IGF2R: variants seen among roughly 807,000 people sequenced by gnomAD.
IGF2R encodes the protein cation-independent mannose-6-phosphate receptor.
A neutral mutation model predicts 270.6 loss-of-function variants in IGF2R; 91 were observed. The ratio of observed to expected loss-of-function variants is 0.34; its 90% CI spans 0.28 to 0.40. The LOEUF (loss-of-function observed/expected upper bound fraction) is 0.40. Ranked by LOEUF, IGF2R falls within the 10% of genes least tolerant of loss-of-function variation. The probability of loss-of-function intolerance (pLI) is 1.00; values close to 1 mark genes in which losing one functional copy is unlikely to be tolerated. For missense variants in IGF2R, 2,805 were observed against 3,188.3 expected (o/e 0.88, Z 2.90); for synonymous variants, 1,316 against 1,258.9 (o/e 1.05, Z -0.96).
chr6:160,035,035 G>C (rs750047377), intron 10 of IGF2R, among the ~76,000 whole-genome samples: 1 of 152,206 alleles, frequency 6.6e-6, no homozygotes, highest in Non-Finnish European at 1.5e-5. Flanking sequence ...AAGCACCCTT[G>C]AGTCACCAAG....
chr6:160,068,241 C>A lies in IGF2R; in HGVS notation c.4116-8C>A, dbSNP rs1297167983. On this transcript the variant is annotated splice_polypyrimidine_tract_variant and splice_region_variant and intron_variant, in intron 29 of 47. Coordinates refer to ENST00000356956, the MANE Select transcript of IGF2R (RefSeq NM_000876.4). Reference sequence around the variant, plus strand: ...AGCCTAACTAACTGCGGGTTTTCTTCTTTTCAGAGATGGGGCTGGCAACTC... The same window carrying A: ...AGCCTAACTAACTGCGGGTTTTCTTATTTTCAGAGATGGGGCTGGCAACTC... The A allele has an allele frequency of 1.9e-6, 3 of 1,614,012 alleles. No individual in the cohort carries two copies. The South Asian group carries it at 3.3e-5, about 18-fold the overall frequency.
At chr6:160,021,637 CT>C (rs1275190591) in intron 4 of IGF2R, among the ~76,000 whole-genome samples, 2 of 146,286 alleles carry the variant, frequency 1.4e-5, no homozygotes, top group Admixed American at 1.3e-4. Flanking sequence ...AAAAAATAAA[CT>C]GCATATATGG....
In IGF2R at chr6:160,034,440, C is replaced by T; in HGVS notation, c.1233C>T (p.Thr411=). ...CTAGATATTCGGATGGAGACCTCAC[C>T]TTGATATATTTTGGAGGTGATGAAT... ...QTLRYSDGDL[T]LIYFGGDECS... The change falls in exon 10 of 48, where the codon ACC becomes ACT. Residue 411 remains threonine, a synonymous_variant. Transcript: ENST00000356956. 1 of 1,605,632 alleles carries T rather than the reference C, an allele frequency of 6.2e-7. No individual in the cohort carries two copies. Among genetic ancestry groups the T allele is most frequent in the Non-Finnish European group, 8.5e-7 (1 of 1,172,642 alleles).
At chr6:160,085,975 G>A in intron 41 of IGF2R, among the ~76,000 whole-genome samples, 1 of 152,248 alleles carries the variant, frequency 6.6e-6, no homozygotes, top group South Asian at 2.1e-4. Flanking sequence ...TGCCCCAGAA[G>A]GGGGAAGGAG....
intron 44 of IGF2R, among the ~76,000 whole-genome samples, chr6:160,092,555 C>A (rs1779250178): frequency 6.6e-6 from 1 of 152,264 alleles, no homozygotes; most frequent in Admixed American, 6.5e-5. Flanking sequence ...AGTTTTAAGA[C>A]ATCTTTTCAT....
chr6:159,976,839 G>GCCTA (rs1783702514), intron 1 of IGF2R, among the ~76,000 whole-genome samples: 1 of 152,148 alleles, frequency 6.6e-6, no homozygotes, highest in African/African-American at 2.4e-5. Flanking sequence ...TTCCCTTGTG[G>GCCTA]CCTAACACCT....
At chr6:159,988,289 G>A (rs1783920335) in intron 1 of IGF2R, among the ~76,000 whole-genome samples, 1 of 152,072 alleles carries the variant, frequency 6.6e-6, no homozygotes, top group East Asian at 1.9e-4. Context: ...GCTGAGGCAG[G>A]CGGATCACGA....
intron 4 of IGF2R, 40 bp downstream of exon 4, chr6:160,010,825 C>G (rs1312196056): frequency 8.6e-7 from 1 of 1,156,122 alleles, no homozygotes; most frequent in Non-Finnish European, 1.3e-6. Context: ...ATGAAGTATA[C>G]TCTGGGGAAC....
At chr6:159,969,956 A>ATATT (rs1554233563) in intron 1 of IGF2R, among the ~76,000 whole-genome samples, 8 of 151,412 alleles carry the variant, frequency 5.3e-5, no homozygotes, top group East Asian at 1.9e-4. Flanking sequence ...ATATATATAT[A>ATATT]TTTTTAGCAG....
At chr6:160,011,638 G>T (rs1476059562) in intron 4 of IGF2R, among the ~76,000 whole-genome samples, 1 of 134,766 alleles carries the variant, frequency 7.4e-6, no homozygotes, top group Non-Finnish European at 1.5e-5. Context: ...AACTGTGGTT[G>T]TGGTGGTGTT....
chr6:160,065,782 A>ATGTGTGTGTGTGTG (rs57759831), intron 29 of IGF2R, among the ~76,000 whole-genome samples: 7 of 93,212 alleles, frequency 7.5e-5, no homozygotes, highest in African/African-American at 1.3e-4. Context: ...AGATATGTGT[A>ATGTGTGTGTGTGTG]TGTGTGTGTG....
At chr6:160,065,814 G>GTGTGTGTGTGTGTATATA in intron 29 of IGF2R, among the ~76,000 whole-genome samples, 10 of 78,392 alleles carry the variant, frequency 1.3e-4, no homozygotes, top group African/African-American at 5.1e-4. Context: ...GTGTGTGTGT[G>GTGTGTGTGTGTGTATATA]TATATATATA....
At chr6:160,035,991 A>C (rs1777812844) in intron 10 of IGF2R, among the ~76,000 whole-genome samples, 1 of 152,160 alleles carries the variant, frequency 6.6e-6, no homozygotes, top group Non-Finnish European at 1.5e-5. Flanking sequence ...GCCTCCAGAC[A>C]TTCAAAGGCA....
chr6:160,081,921 C>T (rs1189137842), intron 39 of IGF2R, among the ~76,000 whole-genome samples: 5 of 152,176 alleles, frequency 3.3e-5, no homozygotes, highest in African/African-American at 1.2e-4. Context: ...AACACACATG[C>T]TTTACGAACA....
chr6:159,996,275 G>A (rs1358872481), intron 2 of IGF2R, among the ~76,000 whole-genome samples: 4 of 152,184 alleles, frequency 2.6e-5, no homozygotes, highest in Non-Finnish European at 4.4e-5. Context: ...ATTGGGTTGT[G>A]CAGGCCAGCA....
intron 44 of IGF2R, chr6:160,093,838 A>G (rs1583304077): frequency 2.7e-6 from 2 of 731,078 alleles, no homozygotes; most frequent in Non-Finnish European, 2.6e-6. Context: ...TGATGGTCCA[A>G]ATAAATATCT....
Position 160,089,185 on chromosome 6 carries a change from G to C in IGF2R, c.6399G>C (p.Gln2133His), listed in dbSNP as rs561422835. The C allele has an allele frequency of 1.9e-6, 3 of 1,614,060 alleles. No homozygotes were observed. Among genetic ancestry groups the C allele is most frequent in the Non-Finnish European group, 2.5e-6 (3 of 1,179,930 alleles). Reference protein sequence around the residue: ...AACAVKPQEVQMVNGTITNPI... With the variant: ...AACAVKPQEVHMVNGTITNPI... The stretch of plus-strand genomic sequence containing the variant: ...GCGCCGTGAAGCCTCAGGAGGTGCA[G>C]ATGGTGAATGGGACCATCACCAACC... Residue 2133 changes from glutamine to histidine, a missense_variant, in exon 43 of 48, where the codon CAG becomes CAC. This residue lies in a region of IGF2R where 1,851 missense variants were observed against 2,207.2 expected (regional missense o/e 0.84). Coordinates refer to ENST00000356956, the MANE Select transcript of IGF2R (RefSeq NM_000876.4).
rs1779589144 is a variant in IGF2R, at chr6:160,105,267, C to T, written c.*183C>T. On this transcript the variant is annotated 3_prime_UTR_variant, in exon 48 of 48. Transcript: ENST00000356956. ...GGCCCCACTCCTTCCTGATTGTTTA[C>T]AGTCATTGGAATAAGGCATGGCTCA... 2 of 586,392 alleles carry T rather than the reference C, an allele frequency of 3.4e-6. No homozygotes were observed. The highest frequency in any genetic ancestry group is 3.2e-5 in the Admixed American group (1 of 30,814). The allele number at this position is 586,392 out of a possible 1,614,324, so 36.3% of individuals were successfully genotyped here. A position where few individuals can be genotyped will look rare whatever the true frequency, so the allele number is the denominator to read the frequency against.
chr6:160,084,958 G>A lies in IGF2R; in HGVS notation c.6069-37G>A, dbSNP rs1462912009. ...CTGTGTCAGGGCAGAGACGTCACTT[G>A]CATGCCTTTTACCTGCCCCTTTGTG... On this transcript the variant is annotated intron_variant, in intron 40 of 47. Transcript: ENST00000356956. The surrounding 1 kb of genome is among the most constrained non-coding windows in gnomAD (Gnocchi z 4.6). 2 of 1,595,188 alleles carry A rather than the reference G, an allele frequency of 1.3e-6. No homozygotes were observed. The highest frequency in any genetic ancestry group is 3.4e-5 in the Admixed American group (2 of 59,238).
Sources: allele counts gnomAD v4.1 joint callset (sites outside exome capture counted in the v4.1 genomes callset), GRCh38; gene constraint gnomAD v4.1.1; regional missense constraint gnomAD v4.1.1; non-coding constraint Gnocchi (gnomAD v3.1); transcripts MANE v1.5; gene names NCBI Gene and HGNC (gene_info 2026-07-23, HGNC 2026-07-21).